Variants in EBF1 observed in about 807,000 individuals in gnomAD.
EBF1 encodes transcription factor COE1.
In EBF1, 10 loss-of-function variants were observed where a neutral mutation model predicts 68.4. The ratio of observed to expected loss-of-function variants is 0.15; its 90% confidence interval spans 0.09 to 0.25. The LOEUF (loss-of-function observed/expected upper bound fraction) is 0.25. Among genes scored for constraint, EBF1 ranks in the 10% least tolerant of loss-of-function variants. EBF1 has a pLI of 1.00. For synonymous variants in EBF1, 298 were observed against 299.8 expected, an observed-to-expected ratio of 0.99 and a Z score of 0.06; for missense variants, 509 against 794.4, an observed-to-expected ratio of 0.64 and a Z score of 4.32.
chr5:158,774,953 G>A (rs1175528281), intron 10 of EBF1, among the ~76,000 whole-genome samples: 1 of 151,250 alleles, frequency 6.6e-6, no homozygotes, highest in East Asian at 1.9e-4. Context: ...TTCCGATATG[G>A]GGAGAGGTTA....
chr5:158,810,677 C>T (rs1040309515), intron 8 of EBF1, among the ~76,000 whole-genome samples: 6 of 152,098 alleles, frequency 3.9e-5, no homozygotes, highest in Admixed American at 6.5e-5. Flanking sequence ...AGCATATGTT[C>T]GCATATAAAA....
chr5:159,053,283 T>A (rs1469859610), intron 6 of EBF1, among the ~76,000 whole-genome samples: 1 of 152,146 alleles, frequency 6.6e-6, no homozygotes, highest in African/African-American at 2.4e-5. Flanking sequence ...GCACATAGAA[T>A]TGCTGTAAGG....
At chr5:158,845,315 T>G (rs1365079342) in intron 6 of EBF1, among the ~76,000 whole-genome samples, 1 of 152,132 alleles carries the variant, frequency 6.6e-6, no homozygotes, top group African/African-American at 2.4e-5. Flanking sequence ...TAATAGTACC[T>G]CTCTCCTAGG....
intron 4 of EBF1, among the ~76,000 whole-genome samples, chr5:159,094,465 A>G (rs1466080666): frequency 6.6e-6 from 1 of 152,188 alleles, no homozygotes; most frequent in African/African-American, 2.4e-5. Flanking sequence ...CTGTTAATAA[A>G]TTGGTTCTTG....
chr5:158,845,805 G>A (rs1354253351), intron 6 of EBF1, among the ~76,000 whole-genome samples: 1 of 152,076 alleles, frequency 6.6e-6, no homozygotes, highest in Non-Finnish European at 1.5e-5. Context: ...AAGGGGTAGT[G>A]CCTTAAATCG....
intron 7 of EBF1, among the ~76,000 whole-genome samples, chr5:158,825,721 T>G (rs1785953104): frequency 6.6e-6 from 1 of 152,104 alleles, no homozygotes; most frequent in Non-Finnish European, 1.5e-5. Context: ...TTGGCTGAAA[T>G]GCCAATCAAA....
intron 10 of EBF1, among the ~76,000 whole-genome samples, chr5:158,741,013 C>G (rs2127570217): frequency 6.6e-6 from 1 of 152,262 alleles, no homozygotes; most frequent in African/African-American, 2.4e-5. Flanking sequence ...TATGTTCCAG[C>G]AACTTAGTAG....
intron 2 of EBF1, 54 bp from the exon 3 acceptor site, chr5:159,096,460 G>A: frequency 6.3e-7 from 1 of 1,582,086 alleles, no homozygotes; most frequent in Non-Finnish European, 8.6e-7. Flanking sequence ...AGGTCTGCGT[G>A]AGCGAGTGGA....
chr5:159,089,123 G>C (rs565020583), intron 4 of EBF1, among the ~76,000 whole-genome samples: 2 of 152,158 alleles, frequency 1.3e-5, no homozygotes, highest in African/African-American at 4.8e-5. Flanking sequence ...ATACTCTAAT[G>C]AGTAGAAAGA....
In EBF1 at chr5:158,894,184, C is replaced by CA. The variant is rs369425394; in HGVS notation, c.555-54075dup. Among the ~76,000 whole-genome samples, 312 of 152,280 alleles carry CA rather than the reference C, an allele frequency of 2.0e-3. 3 individuals are homozygous for CA. The highest frequency in any genetic ancestry group is 7.3e-3 in the African/African-American group (304 of 41,576). On this transcript the variant is annotated intron_variant, in intron 6 of 15. Coordinates refer to ENST00000313708, the MANE Select transcript of EBF1 (RefSeq NM_024007.5). Reference sequence around the variant, plus strand: ...TTCCCAGCAAACATGGCAGAGTCCACAGAGTATTGATTGCATCATGAAATA... The same window carrying CA: ...TTCCCAGCAAACATGGCAGAGTCCACAAGAGTATTGATTGCATCATGAAATA...
chr5:158,986,871 G>A (rs562584234), intron 6 of EBF1: 102 of 152,246 alleles, frequency 6.7e-4, no homozygotes, highest in South Asian at 2.1e-3. Flanking sequence ...GTGCACTTCC[G>A]CTAAAGACAC....
intron 10 of EBF1, among the ~76,000 whole-genome samples, chr5:158,758,437 C>G (rs1410351181): frequency 6.6e-6 from 1 of 152,126 alleles, no homozygotes; most frequent in Non-Finnish European, 1.5e-5. Context: ...ATGAAACAAC[C>G]AGCAGAATGG....
chr5:159,077,151 C>T (rs1241760217), intron 5 of EBF1, among the ~76,000 whole-genome samples: 1 of 152,188 alleles, frequency 6.6e-6, no homozygotes, highest in African/African-American at 2.4e-5. Flanking sequence ...AAATGCCTTC[C>T]CCTCTGGGCA....
At chr5:158,856,680 A>T (rs1445322902) in intron 6 of EBF1, among the ~76,000 whole-genome samples, 1 of 152,134 alleles carries the variant, frequency 6.6e-6, no homozygotes, top group South Asian at 2.1e-4. Context: ...TCCCCCATCC[A>T]CTCACCCTGC....
At chr5:159,021,542 G>A (rs752408147) in intron 6 of EBF1, among the ~76,000 whole-genome samples, 10 of 152,182 alleles carry the variant, frequency 6.6e-5, no homozygotes, top group Non-Finnish European at 8.8e-5. Flanking sequence ...CGCATGCAGC[G>A]CATGAACACA....
intron 7 of EBF1, among the ~76,000 whole-genome samples, chr5:158,829,589 G>A (rs1302846712): frequency 1.3e-5 from 2 of 149,082 alleles, no homozygotes; most frequent in Admixed American, 1.3e-4. Context: ...GGGGTTAGGG[G>A]ATGGGGATGG....
chr5:159,086,343 A>G (rs1020912785), intron 4 of EBF1, among the ~76,000 whole-genome samples: 9 of 152,206 alleles, frequency 5.9e-5, no homozygotes, highest in Non-Finnish European at 1.3e-4. Flanking sequence ...TCAGAAAATT[A>G]ACATTGATAC....
intron 10 of EBF1, among the ~76,000 whole-genome samples, chr5:158,739,125 GAGAA>G (rs1283517936): frequency 6.6e-6 from 1 of 152,186 alleles, no homozygotes; most frequent in Non-Finnish European, 1.5e-5. Flanking sequence ...TGACTTTAGA[GAGAA>G]AGAGACACAA....
intron 6 of EBF1, chr5:158,984,590 T>C (rs1758619687): frequency 6.6e-6 from 1 of 152,034 alleles, no homozygotes; most frequent in African/African-American, 2.4e-5. Context: ...TGCTAGTATC[T>C]GGAACACCTA....
Sources: gnomAD v4.1 joint callset for allele counts (sites outside exome capture counted in the v4.1 genomes callset) on GRCh38, gnomAD v4.1.1 for gene constraint, MANE v1.5 for transcripts, NCBI Gene and HGNC (gene_info 2026-07-23, HGNC 2026-07-21) for gene names.